SUSD5: variants seen among roughly 807,000 people sequenced by gnomAD.
SUSD5 encodes sushi domain-containing protein 5.
Under a neutral mutation model 29.5 loss-of-function variants are expected in SUSD5, and 33 were observed. The observed-to-expected ratio is 1.12, with a 90% CI of 0.85 to 1.49. The LOEUF is 1.49. Ranked by LOEUF, SUSD5 falls within the 40% of genes most tolerant of loss-of-function variation. The probability of loss-of-function intolerance (pLI) is 0.00; values close to 1 mark genes in which losing one functional copy is unlikely to be tolerated. For missense variants in SUSD5, 776 were observed against 800.6 expected (o/e 0.97, Z 0.37); for synonymous variants, 308 against 325.3 (o/e 0.95, Z 0.57).
chr3:33,212,594 A>G (rs1253566643), intron 2 of SUSD5, among the ~76,000 whole-genome samples: 2 of 152,202 alleles, frequency 1.3e-5, no homozygotes, highest in Non-Finnish European at 2.9e-5. Flanking sequence ...AGAATCACCT[A>G]GAGGCATCTT....
chr3:33,178,713 C>A (rs2031606113), intron 3 of SUSD5, among the ~76,000 whole-genome samples: 1 of 152,184 alleles, frequency 6.6e-6, no homozygotes, highest in East Asian at 1.9e-4. Context: ...GCTGGGATTA[C>A]AGGCGTGAGC....
At chr3:33,206,438 T>C (rs2032220796) in intron 3 of SUSD5, among the ~76,000 whole-genome samples, 1 of 151,666 alleles carries the variant, frequency 6.6e-6, no homozygotes, top group South Asian at 2.1e-4. Context: ...TGTGTGTGTG[T>C]GTGTGTGTGT....
intron 4 of SUSD5, among the ~76,000 whole-genome samples, chr3:33,171,190 A>G (rs1244806998): frequency 6.6e-6 from 1 of 152,132 alleles, no homozygotes; most frequent in Admixed American, 6.5e-5. Flanking sequence ...TCTACTAAAA[A>G]TACAAAATTA....
chr3:33,168,961 G>A (rs2031364555), intron 4 of SUSD5, among the ~76,000 whole-genome samples: 1 of 151,888 alleles, frequency 6.6e-6, no homozygotes, highest in South Asian at 2.1e-4. Flanking sequence ...GACATGCCTG[G>A]TTTTAAACCC....
intron 4 of SUSD5, 82 bp from the exon 5 acceptor site, chr3:33,154,115 A>C (rs2030993713): frequency 2.1e-5 from 25 of 1,178,684 alleles, no homozygotes; most frequent in Non-Finnish European, 2.9e-5. Context: ...AATTAAAAGC[A>C]TAAAGGCTGG....
rs1453934471 is a variant in SUSD5, at chr3:33,204,740, C to T, written c.409+3068G>A. Among the ~76,000 whole-genome samples the T allele has an allele frequency of 6.9e-6, 1 of 144,000 alleles. No individual in the cohort carries two copies. The highest frequency in any genetic ancestry group is 2.4e-5 in the African/African-American group (1 of 40,898). 94.5% of individuals were successfully genotyped at this position (144,000 alleles called of 152,430 possible). A position where few individuals can be genotyped will look rare whatever the true frequency, so the allele number is the denominator to read the frequency against. The stretch of plus-strand genomic sequence containing the variant: ...TTGGCTCACTGCAACCTCTACCTCC[C>T]AGGTTAAAGCGATTCTCATGCCTCA... On this transcript the variant is annotated intron_variant, in intron 3 of 4. Coordinates refer to ENST00000309558, the MANE Select transcript of SUSD5 (RefSeq NM_015551.2). This position sits in a 1 kb window ranked among gnomAD's most constrained non-coding sequence, Gnocchi z 4.5.
At chr3:33,171,594 A>G (rs2031429168) in intron 4 of SUSD5, among the ~76,000 whole-genome samples, 1 of 152,130 alleles carries the variant, frequency 6.6e-6, no homozygotes, top group African/African-American at 2.4e-5. Flanking sequence ...TGTCTTCCCT[A>G]TTCCGCTTCA....
intron 4 of SUSD5, among the ~76,000 whole-genome samples, chr3:33,172,724 T>A (rs759700365): frequency 6.6e-6 from 1 of 152,262 alleles, no homozygotes; most frequent in Non-Finnish European, 1.5e-5. Flanking sequence ...ACAAGGCAAG[T>A]AGAAACACCC....
chr3:33,183,887 G>A (rs1252709016), intron 3 of SUSD5, among the ~76,000 whole-genome samples: 1 of 142,368 alleles, frequency 7.0e-6, no homozygotes, highest in East Asian at 2.0e-4. Flanking sequence ...TTAGGTTAAT[G>A]GGGTTTTTTT....
intron 3 of SUSD5, among the ~76,000 whole-genome samples, chr3:33,180,918 A>T (rs1171330492): frequency 6.6e-6 from 1 of 150,594 alleles, no homozygotes; most frequent in Non-Finnish European, 1.5e-5. Flanking sequence ...TCCTGGCCTC[A>T]AGAGATCCTC....
At chr3:33,203,491 G>A (rs561638784) in intron 3 of SUSD5, among the ~76,000 whole-genome samples, 3 of 152,356 alleles carry the variant, frequency 2.0e-5, no homozygotes, top group Admixed American at 2.0e-4. Flanking sequence ...AGGCTGGGGT[G>A]AGCTGCTCTG....
chr3:33,196,948 T>G (rs1159110685), intron 3 of SUSD5, among the ~76,000 whole-genome samples: 1 of 152,172 alleles, frequency 6.6e-6, no homozygotes, highest in Non-Finnish European at 1.5e-5. Flanking sequence ...TTACTTAACT[T>G]TGTTGTGCCT....
intron 3 of SUSD5, among the ~76,000 whole-genome samples, chr3:33,181,915 G>A (rs1217255582): frequency 6.6e-6 from 1 of 152,144 alleles, no homozygotes; most frequent in African/African-American, 2.4e-5. Context: ...CATCTACAAT[G>A]CATATCTCAA....
intron 3 of SUSD5, among the ~76,000 whole-genome samples, chr3:33,186,168 GGCA>G (rs2031773703): frequency 1.3e-5 from 2 of 151,936 alleles, no homozygotes; most frequent in Non-Finnish European, 2.9e-5. Context: ...TGGGCGTGGT[GGCA>G]GGCGCCTGTA....
chr3:33,198,371 T>A (rs2032036948), intron 3 of SUSD5, among the ~76,000 whole-genome samples: 1 of 152,204 alleles, frequency 6.6e-6, no homozygotes, highest in South Asian at 2.1e-4. Context: ...TTCTAATCAT[T>A]GTGCATTATT....
At chr3:33,214,432 C>T (rs1372929162) in intron 1 of SUSD5, among the ~76,000 whole-genome samples, 1 of 151,460 alleles carries the variant, frequency 6.6e-6, no homozygotes, top group Non-Finnish European at 1.5e-5. Context: ...GCTCAGTGTC[C>T]TAGGCTTCCC....
chr3:33,160,584 G>A, intron 4 of SUSD5, among the ~76,000 whole-genome samples: 1 of 152,010 alleles, frequency 6.6e-6, no homozygotes. Flanking sequence ...TCCCTCTTCT[G>A]GATTAAAGGA....
chr3:33,173,052 T>G (rs549301061), intron 4 of SUSD5, among the ~76,000 whole-genome samples: 2 of 152,368 alleles, frequency 1.3e-5, no homozygotes, highest in Non-Finnish European at 2.9e-5. Context: ...TTCTATAATA[T>G]GTAAATGATC....
Position 33,174,968 on chromosome 3 carries a change from G to C in SUSD5, c.516C>G (p.Ile172Met). ...ELLYVCAPGH[I>M]MGHRETAFTL... ...TGAAGGCGGTCTCCCGGTGGCCCAT[G>C]ATGTGGCCTGGGGCACACACGTACA... The change falls in exon 4 of 5, where the codon ATC becomes ATG. Residue 172 changes from isoleucine (I) to methionine (M), a missense_variant. Transcript: ENST00000309558. The C allele has an allele frequency of 6.2e-7, 1 of 1,614,034 alleles. No homozygotes were observed. The highest frequency in any genetic ancestry group is 2.2e-5 in the East Asian group (1 of 44,878).
Sources: gnomAD v4.1 joint callset for allele counts (sites outside exome capture counted in the v4.1 genomes callset) on GRCh38, gnomAD v4.1.1 for gene constraint, Gnocchi (gnomAD v3.1) non-coding constraint, MANE v1.5 for transcripts, NCBI Gene and HGNC (gene_info 2026-07-23, HGNC 2026-07-21) for gene names.